MAP2K5: variants seen among roughly 807,000 people sequenced by gnomAD.
MAP2K5 encodes the protein dual specificity mitogen-activated protein kinase kinase 5.
In MAP2K5, 49 loss-of-function variants were observed where a neutral mutation model predicts 83.1. That is an observed-to-expected ratio of 0.59 (90% CI 0.47 to 0.75). The LOEUF (loss-of-function observed/expected upper bound fraction) is 0.75, where lower values mean the gene tolerates loss of function less well. MAP2K5 is among the 30% of genes least tolerant of loss of function. The pLI is 0.00. For missense variants in MAP2K5, 457 were observed against 557.5 expected, an observed-to-expected ratio of 0.82 and a Z score of 1.82; for synonymous variants, 202 against 191.8, an observed-to-expected ratio of 1.05 and a Z score of -0.44.
chr15:67,564,727 A>T (rs2084804654), intron 3 of MAP2K5, among the ~76,000 whole-genome samples: 1 of 152,242 alleles, frequency 6.6e-6, no homozygotes, highest in South Asian at 2.1e-4. Context: ...TGGTATTGAT[A>T]GATTGGCTAA....
rs139028529 is a variant in MAP2K5 at position 67,583,628 on chromosome 15, C to T, written c.323-2262C>T. Among the ~76,000 whole-genome samples the T allele has an allele frequency of 4.7e-4, 72 of 152,208 alleles. No individual in the cohort carries two copies. In the East Asian group the frequency reaches 0.013, roughly 26 times the overall value. On this transcript the variant is annotated intron_variant, in intron 4 of 21. Transcript: ENST00000178640. ...CATGTAGACATACTGGGTATATTTCCTGTGTCTACCTAGTTGGTTAGAGGC... is the reference window on the plus strand; with the variant it reads ...CATGTAGACATACTGGGTATATTTCTTGTGTCTACCTAGTTGGTTAGAGGC...
chr15:67,607,340 CCTT>C (rs914327396), intron 8 of MAP2K5, among the ~76,000 whole-genome samples: 2 of 152,170 alleles, frequency 1.3e-5, no homozygotes, highest in African/African-American at 2.4e-5. Flanking sequence ...TTCCTTCTCT[CCTT>C]CTCTCAGCAT....
At position 67,780,289 on chromosome 15, in the gene MAP2K5, C is replaced by G. The variant is rs1596961940; in HGVS notation, c.1242+7537C>G. Among the ~76,000 whole-genome samples the G allele has an allele frequency of 2.0e-5, 3 of 149,462 alleles. No homozygotes were observed. The highest frequency in any genetic ancestry group is 7.4e-5 in the African/African-American group (3 of 40,572). On this transcript the variant is annotated intron_variant, in intron 21 of 21. Coordinates refer to ENST00000178640, the MANE Select transcript of MAP2K5 (RefSeq NM_145160.3). This position sits in a 1 kb window ranked among gnomAD's most constrained non-coding sequence, Gnocchi z 5.0. Reference sequence around the variant, plus strand: ...GCAGATACTTTTTTTTTTTTTTAACCTTTAAAGTTCTCTAGGTGATTACAA... The same window carrying G: ...GCAGATACTTTTTTTTTTTTTTAACGTTTAAAGTTCTCTAGGTGATTACAA...
chr15:67,601,663 T>C (rs1203591375), intron 8 of MAP2K5, among the ~76,000 whole-genome samples: 1 of 152,236 alleles, frequency 6.6e-6, no homozygotes, highest in East Asian at 1.9e-4. Context: ...GTTACCCATG[T>C]TCTTAGAATT....
At chr15:67,620,681 A>ATTAACATATAATATGT (rs2086161479) in intron 8 of MAP2K5, among the ~76,000 whole-genome samples, 2 of 152,210 alleles carry the variant, frequency 1.3e-5, no homozygotes, top group Non-Finnish European at 2.9e-5. Context: ...ACTGGAGAAA[A>ATTAACATATAATATGT]TAATATGTTA....
intron 11 of MAP2K5, among the ~76,000 whole-genome samples, chr15:67,646,991 G>A (rs1459154340): frequency 6.6e-6 from 1 of 151,764 alleles, no homozygotes; most frequent in Non-Finnish European, 1.5e-5. Flanking sequence ...TTCTATTTTG[G>A]TAGTTCTTTC....
chr15:67,714,452 A>C (rs2088783097), intron 16 of MAP2K5, among the ~76,000 whole-genome samples: 1 of 112,968 alleles, frequency 8.9e-6, no homozygotes, highest in East Asian at 2.8e-4. Context: ...AAAAAAAAAA[A>C]AAACCACCAC....
rs1420789412 is a variant in MAP2K5 at position 67,708,116 on chromosome 15, C to T, written c.1044+4708C>T. On this transcript the variant is annotated intron_variant, in intron 16 of 21. Coordinates refer to ENST00000178640, the MANE Select transcript of MAP2K5 (RefSeq NM_145160.3). This position sits in a 1 kb window ranked among gnomAD's most constrained non-coding sequence, Gnocchi z 4.9. ...GGATTGCTTGAGGCCAGGAGTTCAACACTAGTCTGGGCAACATAGCAAGAC... is the reference window on the plus strand; with the variant it reads ...GGATTGCTTGAGGCCAGGAGTTCAATACTAGTCTGGGCAACATAGCAAGAC... Among the ~76,000 whole-genome samples, 4 of 151,942 alleles carry T rather than the reference C, an allele frequency of 2.6e-5. No homozygotes were observed. Among genetic ancestry groups the T allele is most frequent in the African/African-American group, 9.7e-5 (4 of 41,356 alleles).
chr15:67,554,127 T>C (rs990312057), intron 2 of MAP2K5, among the ~76,000 whole-genome samples: 3 of 152,152 alleles, frequency 2.0e-5, no homozygotes, highest in Non-Finnish European at 4.4e-5. Flanking sequence ...TGGTGCGATC[T>C]CAGCTCACTG....
intron 11 of MAP2K5, among the ~76,000 whole-genome samples, chr15:67,651,851 T>C (rs1312921847): frequency 1.3e-5 from 2 of 152,252 alleles, no homozygotes; most frequent in Non-Finnish European, 2.9e-5. Context: ...AATTTACTGA[T>C]TTCCTTTCTT....
chr15:67,806,861 T>C lies in MAP2K5; in HGVS notation c.*111T>C. 6.3e-7 allele frequency: 1 copy of C among 1,595,726 alleles called. No individual in the cohort carries two copies. The highest frequency in any genetic ancestry group is 8.5e-7 in the Non-Finnish European group (1 of 1,178,512). ...AGAAGAGCTTTGCTGGGCCCTGGCT[T>C]CCCTGCCCTCGCCTTCACCTCTGTC... On this transcript the variant is annotated 3_prime_UTR_variant, in exon 22 of 22. Coordinates refer to ENST00000178640, the MANE Select transcript of MAP2K5 (RefSeq NM_145160.3).
At chr15:67,595,412 A>C (rs1038710551) in intron 7 of MAP2K5, among the ~76,000 whole-genome samples, 1 of 152,220 alleles carries the variant, frequency 6.6e-6, no homozygotes, top group Non-Finnish European at 1.5e-5. Flanking sequence ...TTCTGAAACC[A>C]TTATTGCTTC....
intron 16 of MAP2K5, among the ~76,000 whole-genome samples, chr15:67,726,849 A>C (rs2089107180): frequency 6.6e-6 from 1 of 152,238 alleles, no homozygotes; most frequent in Non-Finnish European, 1.5e-5. Flanking sequence ...CCACATTATA[A>C]AATTGCAAAG....
intron 15 of MAP2K5, among the ~76,000 whole-genome samples, chr15:67,699,356 G>A (rs189676137): frequency 8.5e-5 from 13 of 152,264 alleles, no homozygotes; most frequent in African/African-American, 3.1e-4. Context: ...GAGATTTTCT[G>A]TTCCCTGCTA....
chr15:67,600,780 T>C, intron 8 of MAP2K5, 31 bp downstream of exon 8: 3 of 1,544,606 alleles, frequency 1.9e-6, no homozygotes, highest in Non-Finnish European at 1.8e-6. Context: ...AAACTTTCTA[T>C]CCGCTTTTCC....
At position 67,668,460 on chromosome 15, in the gene MAP2K5, CT is replaced by C. The variant is rs2087442797; in HGVS notation, c.847+3816del. ...GCACTATAAGCATAGCATGTGCTGA[CT>C]ATGGGTAAAAACAAAGAAAATGAAC... On this transcript the variant is annotated intron_variant, in intron 13 of 21. Coordinates refer to ENST00000178640, the MANE Select transcript of MAP2K5 (RefSeq NM_145160.3). The surrounding 1 kb of genome is among the most constrained non-coding windows in gnomAD (Gnocchi z 4.0). Among the ~76,000 whole-genome samples, 1 of 152,132 alleles carries C rather than the reference CT, an allele frequency of 6.6e-6. No homozygotes were observed. Among genetic ancestry groups the C allele is most frequent in the South Asian group, 2.1e-4 (1 of 4,828 alleles).
At chr15:67,609,146 T>C (rs949882011) in intron 8 of MAP2K5, among the ~76,000 whole-genome samples, 3 of 152,178 alleles carry the variant, frequency 2.0e-5, no homozygotes, top group African/African-American at 7.2e-5. Context: ...CTCCCAAGCC[T>C]AAAGTCCCAG....
intron 8 of MAP2K5, among the ~76,000 whole-genome samples, chr15:67,610,080 G>C (rs1458387202): frequency 2.0e-5 from 3 of 152,078 alleles, no homozygotes; most frequent in Non-Finnish European, 4.4e-5. Flanking sequence ...ATAAAACTTA[G>C]GTCTTCTGAC....
chr15:67,599,613 T>C (rs981881932), intron 7 of MAP2K5, among the ~76,000 whole-genome samples: 30 of 151,938 alleles, frequency 2.0e-4, no homozygotes, highest in Non-Finnish European at 2.2e-4. Flanking sequence ...CTATTTTTTT[T>C]CCAAGTGATA....
Sources: gnomAD v4.1 joint callset for allele counts (sites outside exome capture counted in the v4.1 genomes callset) on GRCh38, gnomAD v4.1.1 for gene constraint, Gnocchi (gnomAD v3.1) non-coding constraint, MANE v1.5 for transcripts, NCBI Gene and HGNC (gene_info 2026-07-23, HGNC 2026-07-21) for gene names.